ZFP91: variants seen among roughly 807,000 people sequenced by gnomAD.
ZFP91 encodes ZFP91 zinc finger protein, atypical E3 ubiquitin ligase.
In ZFP91, 7 loss-of-function variants were observed where a neutral mutation model predicts 63.5. That is an observed-to-expected ratio of 0.11 (90% CI 0.06 to 0.21). The LOEUF (loss-of-function observed/expected upper bound fraction) is 0.21, where lower values mean the gene tolerates loss of function less well. ZFP91 is among the 10% of genes least tolerant of loss of function. ZFP91 has a pLI of 1.00. For missense variants in ZFP91, 628 were observed against 736.6 expected (o/e 0.85, Z 1.71); for synonymous variants, 330 against 272.1 (o/e 1.21, Z -2.10).
chr11:58,604,921 C>T (rs1270678972), intron 2 of ZFP91, among the ~76,000 whole-genome samples: 1 of 152,118 alleles, frequency 6.6e-6, no homozygotes, highest in Non-Finnish European at 1.5e-5. Flanking sequence ...TAATATGTAC[C>T]TTTTAATTCC....
intron 9 of ZFP91, among the ~76,000 whole-genome samples, chr11:58,614,719 C>A (rs1855722573): frequency 6.6e-6 from 1 of 152,122 alleles, no homozygotes; most frequent in Admixed American, 6.5e-5. Context: ...GATTAAGTAA[C>A]CTGCCCATGG....
chr11:58,580,456 C>G (rs1481394857), intron 1 of ZFP91, among the ~76,000 whole-genome samples: 1 of 152,102 alleles, frequency 6.6e-6, no homozygotes, highest in Non-Finnish European at 1.5e-5. Context: ...TTTGTAAATT[C>G]TAGAAATTAA....
At chr11:58,586,345 T>G (rs1855208931) in intron 2 of ZFP91, among the ~76,000 whole-genome samples, 1 of 152,178 alleles carries the variant, frequency 6.6e-6, no homozygotes, top group Admixed American at 6.5e-5. Flanking sequence ...GACGTCTTTT[T>G]TTTGTTTGTT....
chr11:58,616,740 A>G lies in ZFP91; in HGVS notation c.1127A>G (p.Tyr376Cys). Reference protein sequence around the residue: ...HTDQRDYICEYCARAFKSSHN... With the variant: ...HTDQRDYICECCARAFKSSHN... ...GATCAAAGGGATTATATCTGTGAAT[A>G]TTGTGCTCGGGCCTTCAAGAGTTCC... The change falls in exon 10 of 11, where the codon TAT (tyrosine) becomes TGT (cysteine). Residue 376 changes from tyrosine to cysteine, a missense_variant. By Grantham distance (194) the Tyr-to-Cys change is radical. This residue lies in a region of ZFP91 where 76 missense variants were observed against 230.9 expected (regional missense o/e 0.33). Coordinates refer to ENST00000316059, the MANE Select transcript of ZFP91 (RefSeq NM_053023.5). 1 of 1,613,740 alleles carries G rather than the reference A, an allele frequency of 6.2e-7. No homozygotes were observed. Among genetic ancestry groups the G allele is most frequent in the Non-Finnish European group, 8.5e-7 (1 of 1,179,754 alleles).
intron 2 of ZFP91, among the ~76,000 whole-genome samples, chr11:58,608,411 C>G (rs1228479904): frequency 6.6e-6 from 1 of 151,830 alleles, no homozygotes; most frequent in Non-Finnish European, 1.5e-5. Flanking sequence ...TGTATATTGT[C>G]AAATTGGTCT....
At chr11:58,615,667 AAAGT>A in intron 9 of ZFP91, among the ~76,000 whole-genome samples, 1 of 152,324 alleles carries the variant, frequency 6.6e-6, no homozygotes, top group Non-Finnish European at 1.5e-5. Context: ...CTTGCTATAT[AAAGT>A]ATGGAATACA....
rs372348700 is a variant in ZFP91, at chr11:58,614,217, T to C, written c.988-12T>C. 7.1e-6 allele frequency: 11 copies of C among 1,539,964 alleles called. No individual in the cohort carries two copies. The highest frequency in any genetic ancestry group is 7.9e-6 in the Non-Finnish European group (9 of 1,138,004). On this transcript the variant is annotated splice_polypyrimidine_tract_variant and intron_variant, in intron 8 of 10. Transcript: ENST00000316059. Reference sequence around the variant, plus strand: ...TTTTTTTTTTTCGCCCCTTTCACTTTCTCTGTTTTAGCACCACATTAAATA... The same window carrying C: ...TTTTTTTTTTTCGCCCCTTTCACTTCCTCTGTTTTAGCACCACATTAAATA...
intron 1 of ZFP91, among the ~76,000 whole-genome samples, chr11:58,583,902 G>T (rs941244209): frequency 6.6e-6 from 1 of 151,868 alleles, no homozygotes; most frequent in Non-Finnish European, 1.5e-5. Flanking sequence ...ACTATATTAG[G>T]TTTACTTTTG....
chr11:58,598,600 T>G (rs539551438), intron 2 of ZFP91, among the ~76,000 whole-genome samples: 26 of 152,196 alleles, frequency 1.7e-4, no homozygotes, highest in African/African-American at 6.0e-4. Flanking sequence ...TTAGCTGCTA[T>G]TATAAGAAAC....
At chr11:58,611,866 A>G in intron 6 of ZFP91, 128 bp downstream of exon 6, 1 of 1,277,738 alleles carries the variant, frequency 7.8e-7, no homozygotes, top group African/African-American at 1.5e-5. Flanking sequence ...AACTTAAAAA[A>G]ATTTGGCCTC....
intron 2 of ZFP91, among the ~76,000 whole-genome samples, chr11:58,591,045 TG>T (rs1440406347): frequency 6.6e-6 from 1 of 152,148 alleles, no homozygotes; most frequent in Admixed American, 6.6e-5. Flanking sequence ...ATTTTATAAG[TG>T]GGTGGACCCA....
At chr11:58,587,131 T>G (rs1001831168) in intron 2 of ZFP91, among the ~76,000 whole-genome samples, 1 of 152,188 alleles carries the variant, frequency 6.6e-6, no homozygotes, top group African/African-American at 2.4e-5. Context: ...AGTGCTACAT[T>G]CATTTTTTTC....
At chr11:58,583,658 A>T (rs1005523638) in intron 1 of ZFP91, among the ~76,000 whole-genome samples, 2 of 152,062 alleles carry the variant, frequency 1.3e-5, no homozygotes, top group African/African-American at 2.4e-5. Context: ...AAAATTTAGC[A>T]ATTATTTCTG....
chr11:58,594,209 G>A (rs985693977), intron 2 of ZFP91, among the ~76,000 whole-genome samples: 2 of 152,076 alleles, frequency 1.3e-5, no homozygotes, highest in African/African-American at 2.4e-5. Context: ...TAAATGATGG[G>A]TTTTGTCATG....
chr11:58,599,752 T>C (rs1404305169), intron 2 of ZFP91, among the ~76,000 whole-genome samples: 2 of 152,224 alleles, frequency 1.3e-5, no homozygotes, highest in African/African-American at 2.4e-5. Context: ...TTACCAGATA[T>C]ATGACTTGCA....
intron 2 of ZFP91, among the ~76,000 whole-genome samples, chr11:58,587,291 C>T (rs1272336048): frequency 2.0e-5 from 3 of 152,026 alleles, no homozygotes; most frequent in South Asian, 2.1e-4. Context: ...ATGTGTCTGG[C>T]GCTATTCTAG....
chr11:58,603,673 C>A (rs962771373), intron 2 of ZFP91, among the ~76,000 whole-genome samples: 1 of 152,150 alleles, frequency 6.6e-6, no homozygotes, highest in Non-Finnish European at 1.5e-5. Flanking sequence ...CTTCCTGGGG[C>A]CACGATGGCA....
chr11:58,617,599 G>A lies in ZFP91; in HGVS notation c.1606G>A (p.Val536Met), dbSNP rs1855770850. 1 of 1,607,476 alleles carries A rather than the reference G, an allele frequency of 6.2e-7. No individual in the cohort carries two copies. Among genetic ancestry groups the A allele is most frequent in the South Asian group, 1.1e-5 (1 of 90,024 alleles). ...VSLMADGKIF[V>M]GSGSSGGTEG... ...CCTGATGGCTGATGGGAAGATCTTT[G>A]TGGGAAGCGGCAGCAGTGGAGGCAC... Residue 536 changes from valine (V) to methionine (M), a missense_variant, in exon 11 of 11, where the codon GTG becomes ATG. Physicochemically the swap from Val to Met is conservative, Grantham distance 21. Transcript: ENST00000316059. The surrounding 1 kb of genome is among the most constrained non-coding windows in gnomAD (Gnocchi z 4.2).
In ZFP91 at chr11:58,610,284, CTTTG is replaced by C. The variant is rs1565023582; in HGVS notation, c.581-10_581-7del. 1.3e-6 allele frequency: 2 copies of C among 1,588,930 alleles called. No individual in the cohort carries two copies. Among genetic ancestry groups the C allele is most frequent in the South Asian group, 1.2e-5 (1 of 86,110 alleles). ...TACACTAATAAAATTTTGTTTTTGGCTTTGTTTTTCTAGATGTTGGAGAAGAGCA... is the reference window on the plus strand; with the variant it reads ...TACACTAATAAAATTTTGTTTTTGGCTTTTTCTAGATGTTGGAGAAGAGCA... On this transcript the variant is annotated splice_polypyrimidine_tract_variant and intron_variant, in intron 3 of 10. Transcript: ENST00000316059.
Sources: gnomAD v4.1 joint callset for allele counts (sites outside exome capture counted in the v4.1 genomes callset) on GRCh38, gnomAD v4.1.1 for gene constraint, gnomAD v4.1.1 regional missense constraint, Gnocchi (gnomAD v3.1) non-coding constraint, MANE v1.5 for transcripts, NCBI Gene and HGNC (gene_info 2026-07-23, HGNC 2026-07-21) for gene names.